Variants in CFDP1 observed in about 807,000 individuals in gnomAD.
CFDP1 encodes the protein heterochromatin-stabilizing protein CFDP1.
CFDP1 carries 31 observed loss-of-function variants against 40.1 expected under a neutral mutation model. That is an observed-to-expected ratio of 0.77 (90% CI 0.58 to 1.04). The LOEUF (loss-of-function observed/expected upper bound fraction) is 1.04, where lower values mean the gene tolerates loss of function less well. Ranked by LOEUF, CFDP1 falls within the 50% of genes least tolerant of loss-of-function variation. The pLI is 0.00. For synonymous variants in CFDP1, 167 were observed against 120.0 expected, an observed-to-expected ratio of 1.39 and a Z score of -2.56; for missense variants, 423 against 343.4, an observed-to-expected ratio of 1.23 and a Z score of -1.83.
chr16:75,365,372 A>C (rs1159492296), intron 5 of CFDP1, among the ~76,000 whole-genome samples: 6 of 152,194 alleles, frequency 3.9e-5, no homozygotes, highest in Non-Finnish European at 8.8e-5. Context: ...AGAGCAACCA[A>C]AGCCAGGCAG....
chr16:75,338,486 G>A (rs1351125361), intron 5 of CFDP1, among the ~76,000 whole-genome samples: 1 of 152,168 alleles, frequency 6.6e-6, no homozygotes, highest in Non-Finnish European at 1.5e-5. Flanking sequence ...ATGATCTGGA[G>A]GACTGGATTT....
At chr16:75,347,882 C>T (rs1224465057) in intron 5 of CFDP1, among the ~76,000 whole-genome samples, 1 of 152,100 alleles carries the variant, frequency 6.6e-6, no homozygotes, top group African/African-American at 2.4e-5. Context: ...AATCACGAAG[C>T]AAACCCAAAT....
intron 1 of CFDP1, among the ~76,000 whole-genome samples, chr16:75,417,471 G>T (rs534748873): frequency 6.6e-6 from 1 of 152,068 alleles, no homozygotes; most frequent in Admixed American, 6.6e-5. Flanking sequence ...GAGAGGAAAA[G>T]CAAAAGAACA....
In CFDP1 at chr16:75,414,582, C is replaced by T. The variant is rs16963331; in HGVS notation, c.178G>A (p.Ala60Thr). 5,967 of 1,603,784 alleles carry T rather than the reference C, an allele frequency of 3.7e-3. 23 individuals are homozygous for T. The highest frequency in any genetic ancestry group is 5.0e-3 in the Admixed American group (302 of 60,002). Residue 60 changes from alanine to threonine, a missense_variant, in exon 2 of 7, where the codon GCC becomes ACC. Physicochemically the swap from Ala to Thr is moderately conservative, Grantham distance 58. Transcript: ENST00000283882. ...GGGCCTTGAAGGCAGCATCACCTGG[C>T]TGGAATGCTCTGGGCCTTTCTTTTT... ...GKKRKAQSIP[A>T]RKRRQGGLSL...
At chr16:75,415,736 T>C (rs1051389298) in intron 1 of CFDP1, among the ~76,000 whole-genome samples, 11 of 152,236 alleles carry the variant, frequency 7.2e-5, no homozygotes, top group Non-Finnish European at 1.3e-4. Context: ...AAATAGTGTG[T>C]CATTGTATGA....
intron 5 of CFDP1, among the ~76,000 whole-genome samples, chr16:75,339,763 T>C (rs79048147): frequency 0.022 from 3,363 of 152,294 alleles, 72 homozygotes; most frequent in African/African-American, 0.054. Flanking sequence ...GGCATACATG[T>C]GATGCATGTT....
Position 75,433,501 on chromosome 16 carries a change from T to C in CFDP1, c.-149A>G. On this transcript the variant is annotated 5_prime_UTR_variant, in exon 1 of 7. Coordinates refer to ENST00000283882, the MANE Select transcript of CFDP1 (RefSeq NM_006324.3). Reference sequence around the variant, plus strand: ...CGCTTTGCACATGCGCAGAGAGTACTACGTGGTTGCCCTACGACACTTCCG... The same window carrying C: ...CGCTTTGCACATGCGCAGAGAGTACCACGTGGTTGCCCTACGACACTTCCG... 2.9e-6 allele frequency: 2 copies of C among 687,460 alleles called. No homozygotes were observed. The highest frequency in any genetic ancestry group is 3.5e-5 in the South Asian group (2 of 56,866). 42.6% of individuals were successfully genotyped at this position (687,460 alleles called of 1,614,324 possible).
intron 5 of CFDP1, chr16:75,372,098 A>T (rs1227235999): frequency 6.6e-6 from 1 of 152,232 alleles, no homozygotes; most frequent in Non-Finnish European, 1.5e-5. Context: ...ATCCTGTTCA[A>T]GTCAAAAGCA....
intron 4 of CFDP1, among the ~76,000 whole-genome samples, chr16:75,407,654 C>CAAAAAAAAAAAAAAAAAAAGAAAAA: frequency 8.6e-6 from 1 of 116,794 alleles, no homozygotes; most frequent in Non-Finnish European, 1.7e-5. Context: ...GACCCTGTCT[C>CAAAAAAAAAAAAAAAAAAAGAAAAA]AAAAAAAAAA....
At chr16:75,428,154 T>C (rs1290805647) in intron 1 of CFDP1, among the ~76,000 whole-genome samples, 1 of 150,892 alleles carries the variant, frequency 6.6e-6, no homozygotes, top group Non-Finnish European at 1.5e-5. Flanking sequence ...TTTAAGAGGG[T>C]TGACGGCTTG....
At position 75,327,268 on chromosome 16, in the gene CFDP1, A is replaced by G. The variant is rs140053126; in HGVS notation, c.651-22086T>C. Among the ~76,000 whole-genome samples the G allele has an allele frequency of 3.0e-3, 456 of 152,334 alleles. 2 individuals are homozygous for G. The highest frequency in any genetic ancestry group is 0.011 in the African/African-American group (440 of 41,580). ...GACGACAGTGCAAGACTCTGTCTCA[A>G]AAAACAAAACGAAACAAAAAACCAG... On this transcript the variant is annotated intron_variant, in intron 5 of 6. Transcript: ENST00000283882.
intron 5 of CFDP1, among the ~76,000 whole-genome samples, chr16:75,344,688 C>G (rs757491023): frequency 3.9e-5 from 6 of 152,174 alleles, no homozygotes; most frequent in Non-Finnish European, 5.9e-5. Flanking sequence ...AATCCCAGCA[C>G]TTTAGGAGGC....
intron 5 of CFDP1, among the ~76,000 whole-genome samples, chr16:75,339,850 C>G (rs747899740): frequency 1.3e-5 from 2 of 152,152 alleles, no homozygotes; most frequent in Non-Finnish European, 2.9e-5. Context: ...AGATATGAAC[C>G]ACTAATACCA....
chr16:75,321,579 G>A (rs1209629360), intron 5 of CFDP1, among the ~76,000 whole-genome samples: 2 of 152,102 alleles, frequency 1.3e-5, no homozygotes, highest in African/African-American at 2.4e-5. Flanking sequence ...GCTTTTACCA[G>A]CCTGAAGCCA....
At chr16:75,432,293 T>C (rs1202800317) in intron 1 of CFDP1, among the ~76,000 whole-genome samples, 1 of 144,020 alleles carries the variant, frequency 6.9e-6, no homozygotes, top group Non-Finnish European at 1.5e-5. Context: ...CCCAGCACTT[T>C]GGGTGGCTGA....
rs773653005 is a variant in CFDP1, at chr16:75,411,874, C to G, written c.481G>C (p.Glu161Gln). Residue 161 changes from glutamate to glutamine, a missense_variant, in exon 4 of 7, where the codon GAA becomes CAA. By Grantham distance (29) the Glu-to-Gln change is conservative. Transcript: ENST00000283882. ...AEELEKPKET[E>Q]KVKITKVFDF... ...AACACCTTGGTGATTTTAACTTTTT[C>G]TGTTTCTTTAGGTTTCTCTAGCTCT... 8 of 1,612,512 alleles carry G rather than the reference C, an allele frequency of 5.0e-6. No individual in the cohort carries two copies. The highest frequency in any genetic ancestry group is 6.8e-6 in the Non-Finnish European group (8 of 1,179,694).
intron 2 of CFDP1, among the ~76,000 whole-genome samples, chr16:75,414,145 C>T (rs2096597967): frequency 6.6e-6 from 1 of 151,178 alleles, no homozygotes; most frequent in Non-Finnish European, 1.5e-5. Context: ...GTACTATCTC[C>T]AAGATGTGAA....
chr16:75,429,178 C>A (rs544379066), intron 1 of CFDP1, among the ~76,000 whole-genome samples: 1 of 152,094 alleles, frequency 6.6e-6, no homozygotes, highest in Non-Finnish European at 1.5e-5. Flanking sequence ...CGGAGACAAA[C>A]AGATCTTATA....
intron 2 of CFDP1, among the ~76,000 whole-genome samples, chr16:75,413,254 C>A (rs1323591600): frequency 6.6e-6 from 1 of 151,984 alleles, no homozygotes; most frequent in Non-Finnish European, 1.5e-5. Context: ...TTCGGAAGAA[C>A]TGAGAGCTGG....
Sources: gnomAD v4.1 joint callset for allele counts (sites outside exome capture counted in the v4.1 genomes callset) on GRCh38, gnomAD v4.1.1 for gene constraint, MANE v1.5 for transcripts, NCBI Gene and HGNC (gene_info 2026-07-23, HGNC 2026-07-21) for gene names.